PLXDC2: variants seen among roughly 807,000 people sequenced by gnomAD.
PLXDC2 encodes the protein plexin domain containing 2, also known as plexin domain-containing protein 2.
Under a neutral mutation model 68.9 loss-of-function variants are expected in PLXDC2, and 40 were observed. That is an observed-to-expected ratio of 0.58 (90% confidence interval 0.45 to 0.76). The LOEUF is 0.76. Among genes scored for constraint, PLXDC2 ranks in the 30% least tolerant of loss-of-function variants. The pLI is 0.00. For synonymous variants in PLXDC2, 243 were observed against 234.2 expected, an observed-to-expected ratio of 1.04 and a Z score of -0.34; for missense variants, 644 against 661.9, an observed-to-expected ratio of 0.97 and a Z score of 0.30.
At chr10:20,205,745 C>G (rs1299269565) in intron 9 of PLXDC2, among the ~76,000 whole-genome samples, 1 of 152,042 alleles carries the variant, frequency 6.6e-6, no homozygotes, top group Non-Finnish European at 1.5e-5. Flanking sequence ...GTTACTTAAT[C>G]TTTACTAGAC....
At chr10:20,153,731 G>A (rs555831820) in intron 6 of PLXDC2, among the ~76,000 whole-genome samples, 5 of 152,230 alleles carry the variant, frequency 3.3e-5, no homozygotes, top group African/African-American at 9.6e-5. Flanking sequence ...AAAGGAACCT[G>A]AAATACCCAG....
rs940124665 is a variant in PLXDC2, at chr10:19,898,066, T to G, written c.112+80875T>G. 6.6e-5 allele frequency among the ~76,000 whole-genome samples: 10 copies of G among 152,292 alleles called. No homozygotes were observed. In the East Asian group the frequency reaches 9.6e-4, roughly 15 times the overall value. ...GAAAGTTTATTTATTATTGATTTTT[T>G]GAAAAGAAAAATAAATAATATTATT... is the stretch of plus-strand genomic sequence containing the variant. On this transcript the variant is annotated intron_variant, in intron 1 of 13. Coordinates refer to ENST00000377252, the MANE Select transcript of PLXDC2 (RefSeq NM_032812.9).
intron 1 of PLXDC2, among the ~76,000 whole-genome samples, chr10:19,850,792 C>T (rs936018763): frequency 4.6e-5 from 7 of 152,108 alleles, no homozygotes; most frequent in Admixed American, 2.6e-4. Flanking sequence ...TCAGTGTTCT[C>T]AAATGGCAAC....
intron 3 of PLXDC2, 139 bp downstream of exon 3, chr10:20,047,154 T>A: frequency 1.3e-6 from 1 of 779,384 alleles, no homozygotes; most frequent in Non-Finnish European, 1.9e-6. Flanking sequence ...TTTTCAAGTG[T>A]ATTCAGTTCT....
At chr10:20,020,025 T>TC (rs1284565365) in intron 2 of PLXDC2, among the ~76,000 whole-genome samples, 1 of 150,108 alleles carries the variant, frequency 6.7e-6, no homozygotes, top group African/African-American at 2.5e-5. Flanking sequence ...CTTTTTTTTT[T>TC]ATTTTTTGTT....
At chr10:20,011,016 C>T (rs1050978563) in intron 2 of PLXDC2, among the ~76,000 whole-genome samples, 9 of 152,140 alleles carry the variant, frequency 5.9e-5, no homozygotes, top group African/African-American at 1.9e-4. Flanking sequence ...TCCAAGAGGA[C>T]ATATCAAACA....
intron 4 of PLXDC2, among the ~76,000 whole-genome samples, chr10:20,084,029 A>T (rs1833154302): frequency 6.6e-6 from 1 of 152,234 alleles, no homozygotes; most frequent in Non-Finnish European, 1.5e-5. Context: ...ATAACTACAA[A>T]CTAAAAACAG....
At chr10:20,109,393 T>C (rs1280632861) in intron 4 of PLXDC2, among the ~76,000 whole-genome samples, 2 of 152,198 alleles carry the variant, frequency 1.3e-5, no homozygotes, top group African/African-American at 4.8e-5. Flanking sequence ...TCCATACAAA[T>C]TGGTAACTTG....
At chr10:20,231,841 C>T (rs1361077666) in intron 12 of PLXDC2, among the ~76,000 whole-genome samples, 3 of 151,926 alleles carry the variant, frequency 2.0e-5, no homozygotes, top group Non-Finnish European at 2.9e-5. Context: ...CATAGCGAGA[C>T]TCTGTCTCTA....
intron 1 of PLXDC2, among the ~76,000 whole-genome samples, chr10:19,992,665 A>C (rs1383420642): frequency 6.6e-6 from 1 of 152,208 alleles, no homozygotes; most frequent in East Asian, 1.9e-4. Context: ...ATTGTTTTAA[A>C]GTACTTCCCA....
chr10:20,151,312 A>G (rs1000315271), intron 6 of PLXDC2, among the ~76,000 whole-genome samples: 2 of 152,202 alleles, frequency 1.3e-5, no homozygotes, highest in East Asian at 3.9e-4. Flanking sequence ...GTACTTTCAC[A>G]TGCATTATAG....
At chr10:20,037,497 T>C (rs1037558980) in intron 2 of PLXDC2, among the ~76,000 whole-genome samples, 1 of 152,198 alleles carries the variant, frequency 6.6e-6, no homozygotes, top group East Asian at 1.9e-4. Flanking sequence ...CTCCTAATGC[T>C]CTATCTCATC....
chr10:19,993,971 C>T (rs1457267194), intron 1 of PLXDC2, among the ~76,000 whole-genome samples: 1 of 152,114 alleles, frequency 6.6e-6, no homozygotes, highest in Non-Finnish European at 1.5e-5. Flanking sequence ...ACCCTTATGC[C>T]TCGAACTTCC....
In PLXDC2 at chr10:19,877,553, A is replaced by G. The variant is rs573661124; in HGVS notation, c.112+60362A>G. On this transcript the variant is annotated intron_variant, in intron 1 of 13. Transcript: ENST00000377252. The stretch of plus-strand genomic sequence containing the variant: ...AAATCTCTCTTACTTTTACTTTAAA[A>G]AGTAAAAGATTGCTTCCTTTCCGTG... Among the ~76,000 whole-genome samples, 3 of 152,328 alleles carry G rather than the reference A, an allele frequency of 2.0e-5. No individual in the cohort carries two copies. In the East Asian group the frequency reaches 5.8e-4, roughly 29 times the overall value.
chr10:19,833,546 A>G (rs1333638316), intron 1 of PLXDC2, among the ~76,000 whole-genome samples: 2 of 152,250 alleles, frequency 1.3e-5, no homozygotes, highest in African/African-American at 4.8e-5. Flanking sequence ...TGTTGTGTAA[A>G]ATGAGATGAG....
intron 1 of PLXDC2, among the ~76,000 whole-genome samples, chr10:19,958,217 G>T (rs1373248561): frequency 6.6e-6 from 1 of 152,020 alleles, no homozygotes; most frequent in Non-Finnish European, 1.5e-5. Context: ...GCAAAATCAA[G>T]CCTGATTGTA....
rs191171878 is a variant in PLXDC2 at position 20,122,015 on chromosome 10, G to T, written c.542-21280G>T. 3.3e-3 allele frequency among the ~76,000 whole-genome samples: 504 copies of T among 152,006 alleles called. 2 individuals are homozygous for T. Among genetic ancestry groups the T allele is most frequent in the African/African-American group, 0.012 (478 of 41,406 alleles). ...GTATCTTATACTTGTGGGTTAAGGT[G>T]GGGGAATACAAGAGGAGGACGCAAA... On this transcript the variant is annotated intron_variant, in intron 4 of 13. Coordinates refer to ENST00000377252, the MANE Select transcript of PLXDC2 (RefSeq NM_032812.9).
At chr10:20,265,928 G>A (rs533262620) in intron 13 of PLXDC2, among the ~76,000 whole-genome samples, 7 of 152,208 alleles carry the variant, frequency 4.6e-5, no homozygotes, top group African/African-American at 1.4e-4. Context: ...CGGGATATAC[G>A]GTCCCCGGAG....
intron 1 of PLXDC2, among the ~76,000 whole-genome samples, chr10:19,850,605 C>T (rs10827890): frequency 6.6e-6 from 1 of 151,900 alleles, no homozygotes; most frequent in Non-Finnish European, 1.5e-5. Context: ...ACTTACACAC[C>T]CATACTAAGA....
Sources: gnomAD v4.1 joint callset for allele counts (sites outside exome capture counted in the v4.1 genomes callset) on GRCh38, gnomAD v4.1.1 for gene constraint, MANE v1.5 for transcripts, NCBI Gene and HGNC (gene_info 2026-07-23, HGNC 2026-07-21) for gene names.